The following DMRT2 variants were observed in gnomAD, a reference collection of about 807,000 sequenced individuals.
DMRT2 encodes the protein doublesex- and mab-3-related transcription factor 2.
Under a neutral mutation model 43.5 loss-of-function variants are expected in DMRT2, and 33 were observed. The ratio of observed to expected loss-of-function variants is 0.76; its 90% CI spans 0.58 to 1.01. The LOEUF (loss-of-function observed/expected upper bound fraction) is 1.01. DMRT2 is among the 50% of genes least tolerant of loss of function. DMRT2 has a pLI of 0.00. For missense variants in DMRT2, 1,064 were observed against 748.0 expected, an observed-to-expected ratio of 1.42 and a Z score of -4.93; for synonymous variants, 395 against 309.2, an observed-to-expected ratio of 1.28 and a Z score of -2.91.
intron 3 of DMRT2, among the ~76,000 whole-genome samples, 181 bp downstream of exon 3, chr9:1,054,005 G>A (rs1821797458): frequency 6.6e-6 from 1 of 152,296 alleles, no homozygotes; most frequent in African/African-American, 2.4e-5. Flanking sequence ...GTACGGAGAA[G>A]ATTAGCATGG....
In DMRT2 at chr9:1,051,846, C is replaced by T; in HGVS notation, c.233C>T (p.Pro78Leu). Residue 78 changes from proline to leucine, a missense_variant, in exon 2 of 4, where the codon CCG becomes CTG. Physicochemically the swap from Pro to Leu is moderately conservative, Grantham distance 98. Transcript: ENST00000358146. This position sits in a 1 kb window ranked among gnomAD's most constrained non-coding sequence, Gnocchi z 5.9. ...AGASPGMPGQ[P>L]EQRGGPQPRP... is the part of the protein sequence containing the mutation. ...GCGTCCCCCGGGATGCCCGGCCAGCCGGAGCAGCGGGGGGGACCGCAGCCG... is the reference window on the plus strand; with the variant it reads ...GCGTCCCCCGGGATGCCCGGCCAGCTGGAGCAGCGGGGGGGACCGCAGCCG... The T allele has an allele frequency of 7.0e-7, 1 of 1,421,836 alleles. No individual in the cohort carries two copies. Among genetic ancestry groups the T allele is most frequent in the South Asian group, 1.5e-5 (1 of 65,110 alleles). The allele number at this position is 1,421,836 out of a possible 1,614,324, so 88.1% of individuals were successfully genotyped here. A position where few individuals can be genotyped will look rare whatever the true frequency, so the allele number is the denominator to read the frequency against.
rs1822036307 is a variant in DMRT2 at position 1,056,883 on chromosome 9, C to G, written c.1296C>G (p.Pro432=). ...CAGAGAGGTCCGCGTTCTCCCCACC[C>G]CGACGGAATTTCTCTCCCATTGTTG... ...AVPERSAFSP[P]RRNFSPIVDT... is the part of the protein sequence containing the mutation. The change falls in exon 4 of 4, where the codon CCC becomes CCG. Residue 432 remains proline (P), a synonymous_variant. Transcript: ENST00000358146. The G allele has an allele frequency of 6.2e-7, 1 of 1,614,180 alleles. No homozygotes were observed. Among genetic ancestry groups the G allele is most frequent in the Non-Finnish European group, 8.5e-7 (1 of 1,180,040 alleles).
intron 2 of DMRT2, 41 bp downstream of exon 2, chr9:1,052,179 AGGT>A: frequency 7.6e-7 from 1 of 1,308,658 alleles, no homozygotes; most frequent in South Asian, 2.1e-5. Flanking sequence ...GCCACAGTGG[AGGT>A]GGGGGAGTTG....
chr9:1,051,981 GC>G lies in DMRT2; in HGVS notation c.369del (p.Cys123TrpfsTer13). 1.4e-6 allele frequency: 2 copies of G among 1,443,736 alleles called. No individual in the cohort carries two copies. The highest frequency in any genetic ancestry group is 1.8e-6 in the Non-Finnish European group (2 of 1,104,340). The allele number at this position is 1,443,736 out of a possible 1,614,324, so 89.4% of individuals were successfully genotyped here. The part of the protein sequence containing the change: ...EPRKLSRTPK[C>X]ARCRNHGVVS... Reference sequence around the variant, plus strand: ...CGCAAGCTGAGCCGCACGCCCAAGTGCGCGCGCTGCCGCAACCACGGCGTGG... The same window carrying G: ...CGCAAGCTGAGCCGCACGCCCAAGTGGCGCGCTGCCGCAACCACGGCGTGG... On this transcript the variant is annotated frameshift_variant, in exon 2 of 4. Coordinates refer to ENST00000358146, the MANE Select transcript of DMRT2 (RefSeq NM_181872.6). LOFTEE classifies it high-confidence loss of function. The surrounding 1 kb of genome is among the most constrained non-coding windows in gnomAD (Gnocchi z 5.9).
At position 1,057,533 on chromosome 9, in the gene DMRT2, C is replaced by T. The variant is rs1351168825; in HGVS notation, c.*260C>T. The T allele has an allele frequency of 2.5e-6, 1 of 392,780 alleles. No homozygotes were observed. The highest frequency in any genetic ancestry group is 4.1e-5 in the Admixed American group (1 of 24,120). 24.3% of individuals were successfully genotyped at this position (392,780 alleles called of 1,614,324 possible). On this transcript the variant is annotated 3_prime_UTR_variant, in exon 4 of 4. Transcript: ENST00000358146. ...ATTTCAAAAAGCAATAAAATTGACACTGTCTTCTCAAAGACCCAATATTTG... is the reference window on the plus strand; with the variant it reads ...ATTTCAAAAAGCAATAAAATTGACATTGTCTTCTCAAAGACCCAATATTTG...
At position 1,051,950 on chromosome 9, in the gene DMRT2, G is replaced by A. The variant is rs1821623761; in HGVS notation, c.337G>A (p.Glu113Lys). 4 of 1,382,470 alleles carry A rather than the reference G, an allele frequency of 2.9e-6. No individual in the cohort carries two copies. The Admixed American group carries it at 1.0e-4, about 36-fold the overall frequency. The allele number at this position is 1,382,470 out of a possible 1,614,324, so 85.6% of individuals were successfully genotyped here. ...ERCTPAGGGA[E>K]PRKLSRTPKC... is the part of the protein sequence containing the mutation. ...CTGCACTCCCGCGGGCGGCGGCGCG[G>A]AGCCGCGCAAGCTGAGCCGCACGCC... Residue 113 changes from glutamate to lysine, a missense_variant, in exon 2 of 4, where the codon GAG becomes AAG. Glu to Lys is a moderately conservative substitution (Grantham distance 56). Transcript: ENST00000358146. This position sits in a 1 kb window ranked among gnomAD's most constrained non-coding sequence, Gnocchi z 5.9.
At chr9:1,050,891 A>G (rs1287938505) in intron 1 of DMRT2, 116 bp downstream of exon 1, 1 of 152,296 alleles carries the variant, frequency 6.6e-6, no homozygotes, top group Non-Finnish European at 1.5e-5. Flanking sequence ...AGGCCTAAGT[A>G]CAGAGAGCCC....
intron 3 of DMRT2, chr9:1,055,958 A>G: frequency 1.4e-6 from 2 of 1,400,542 alleles, no homozygotes; most frequent in African/African-American, 1.5e-5. Context: ...CAAGCAAGCA[A>G]ACAAATCCAT....
chr9:1,057,552 A>T lies in DMRT2; in HGVS notation c.*279A>T, dbSNP rs939410135. 5 of 348,902 alleles carry T rather than the reference A, an allele frequency of 1.4e-5. No individual in the cohort carries two copies. The highest frequency in any genetic ancestry group is 1.7e-3 in the Middle Eastern group (2 of 1,166). The allele number at this position is 348,902 out of a possible 1,614,324, so 21.6% of individuals were successfully genotyped here. ...TTGACACTGTCTTCTCAAAGACCCA[A>T]TATTTGCCGAAGCAAATAGCTGTCT... On this transcript the variant is annotated 3_prime_UTR_variant, in exon 4 of 4. Coordinates refer to ENST00000358146, the MANE Select transcript of DMRT2 (RefSeq NM_181872.6).
chr9:1,054,496 C>T (rs1821835950), intron 3 of DMRT2: 1 of 149,684 alleles, frequency 6.7e-6, no homozygotes, highest in Non-Finnish European at 1.5e-5. Flanking sequence ...GTTATAGAAT[C>T]TGAAAAAGGT....
At chr9:1,052,468 G>C (rs1450611741) in intron 2 of DMRT2, among the ~76,000 whole-genome samples, 1 of 151,998 alleles carries the variant, frequency 6.6e-6, no homozygotes, top group Non-Finnish European at 1.5e-5. Flanking sequence ...TGTTGAGGGC[G>C]GGGGCTTGGG....
intron 3 of DMRT2, among the ~76,000 whole-genome samples, chr9:1,054,426 G>GTTTTTTTTTTTTTTTTTTTT (rs1821829947): frequency 7.1e-6 from 1 of 140,596 alleles, no homozygotes; most frequent in African/African-American, 2.8e-5. Context: ...TTTTTTTTTG[G>GTTTTTTTTTTTTTTTTTTTT]ATTACTTGGA....
At chr9:1,054,132 C>G (rs1158953258) in intron 3 of DMRT2, among the ~76,000 whole-genome samples, 1 of 152,192 alleles carries the variant, frequency 6.6e-6, no homozygotes, top group African/African-American at 2.4e-5. Flanking sequence ...ATTTGGTTGT[C>G]TGCTTAGTGG....
Position 1,056,848 on chromosome 9 carries a change from C to A in DMRT2, c.1261C>A (p.Gln421Lys), listed in dbSNP as rs1384454829. The change falls in exon 4 of 4, where the codon CAG (glutamine) becomes AAG (lysine). Residue 421 changes from glutamine (Q) to lysine (K), a missense_variant. Physicochemically the swap from Gln to Lys is moderately conservative, Grantham distance 53 (BLOSUM62 1). Coordinates refer to ENST00000358146, the MANE Select transcript of DMRT2 (RefSeq NM_181872.6). ...QTTRSDLQGH[Q>K]AVPERSAFSP... ...CACGAGAAGTGACCTTCAGGGTCAT[C>A]AGGCTGTCCCAGAGAGGTCCGCGTT... The A allele has an allele frequency of 6.2e-7, 1 of 1,614,154 alleles. No individual in the cohort carries two copies. The highest frequency in any genetic ancestry group is 2.2e-5 in the East Asian group (1 of 44,866).
rs1440551316 is a variant in DMRT2 at position 1,050,378 on chromosome 9, A to T, written c.-442A>T. On this transcript the variant is annotated 5_prime_UTR_variant, in exon 1 of 4. Transcript: ENST00000358146. ...AGCCAGTGGCGCTGCGCTGAATGCAACTGCGCGCGCCCGCCGGGTGAGCCA... is the reference window on the plus strand; with the variant it reads ...AGCCAGTGGCGCTGCGCTGAATGCATCTGCGCGCGCCCGCCGGGTGAGCCA... 6.6e-6 allele frequency: 1 copy of T among 152,194 alleles called. No homozygotes were observed. Among genetic ancestry groups the T allele is most frequent in the Non-Finnish European group, 1.5e-5 (1 of 68,056 alleles). 9.4% of individuals were successfully genotyped at this position (152,194 alleles called of 1,614,324 possible).
chr9:1,053,657 T>A (rs939284951), intron 2 of DMRT2, 65 bp from the exon 3 acceptor site: 70 of 1,361,648 alleles, frequency 5.1e-5, no homozygotes, highest in Non-Finnish European at 3.0e-5. Context: ...GGACATCCCG[T>A]CCTTCCCCCT....
chr9:1,052,323 A>C (rs1302740244), intron 2 of DMRT2, among the ~76,000 whole-genome samples, 185 bp downstream of exon 2: 2 of 152,264 alleles, frequency 1.3e-5, no homozygotes, highest in Middle Eastern at 3.4e-3. Flanking sequence ...AAAAGCAGGC[A>C]TCTCTGGGGA....
At chr9:1,055,900 C>A (rs1461579177) in intron 3 of DMRT2, 1 of 1,449,164 alleles carries the variant, frequency 6.9e-7, no homozygotes. Context: ...GCGTAGGGGG[C>A]CTGGGAAGAA....
chr9:1,053,656 G>C lies in DMRT2; in HGVS notation c.526-66G>C, dbSNP rs147349546. ...TTTCTAGAAGATTTACGGACATCCC[G>C]TCCTTCCCCCTTCTCGCCCCCATTT... On this transcript the variant is annotated intron_variant, in intron 2 of 3. Transcript: ENST00000358146. The C allele has an allele frequency of 3.7e-5, 50 of 1,355,314 alleles. No individual in the cohort carries two copies. The South Asian group carries it at 6.2e-4, about 17-fold the overall frequency. The allele number at this position is 1,355,314 out of a possible 1,614,324, so 84.0% of individuals were successfully genotyped here.
Sources: allele counts gnomAD v4.1 joint callset (sites outside exome capture counted in the v4.1 genomes callset), GRCh38; gene constraint gnomAD v4.1.1; non-coding constraint Gnocchi (gnomAD v3.1); transcripts MANE v1.5; gene names NCBI Gene and HGNC (gene_info 2026-07-23, HGNC 2026-07-21).